The following LRP1B variants were observed in gnomAD, a reference collection of about 807,000 sequenced individuals.
LRP1B encodes low-density lipoprotein receptor-related protein 1B.
A neutral mutation model predicts 556.6 loss-of-function variants in LRP1B; 217 were observed. The ratio of observed to expected loss-of-function variants is 0.39; its 90% CI spans 0.35 to 0.44. The LOEUF (loss-of-function observed/expected upper bound fraction) is 0.44, where lower values mean the gene tolerates loss of function less well. Ranked by LOEUF, LRP1B falls within the 20% of genes least tolerant of loss-of-function variation. The pLI is 1.00. For missense variants in LRP1B, 5,053 were observed against 5,620.8 expected, an observed-to-expected ratio of 0.90 and a Z score of 3.23; for synonymous variants, 2,047 against 1,865.8, an observed-to-expected ratio of 1.10 and a Z score of -2.50.
At chr2:140,595,248 T>C (rs1010087852) in intron 43 of LRP1B, among the ~76,000 whole-genome samples, 1 of 151,520 alleles carries the variant, frequency 6.6e-6, no homozygotes, top group Non-Finnish European at 1.5e-5. Context: ...TCATTTCATG[T>C]AGTAAGTGGA....
At chr2:140,310,044 G>T (rs1201304477) in intron 83 of LRP1B, among the ~76,000 whole-genome samples, 2 of 151,660 alleles carry the variant, frequency 1.3e-5, no homozygotes, top group Admixed American at 1.3e-4. Context: ...TTGCTGCAAA[G>T]TTTGCATCAT....
rs564883013 is a variant in LRP1B, at chr2:140,880,791, G to A, written c.4169+3026C>T. Among the ~76,000 whole-genome samples, 4 of 152,206 alleles carry A rather than the reference G, an allele frequency of 2.6e-5. No individual in the cohort carries two copies. In the East Asian group the frequency reaches 7.7e-4, roughly 29 times the overall value. On this transcript the variant is annotated intron_variant, in intron 25 of 90. Transcript: ENST00000389484. Reference sequence around the variant, plus strand: ...AAAGTTCATAGTTTTCCCATTAGCTGTCTGTCCTTTACTGTATACTTCCCA... The same window carrying A: ...AAAGTTCATAGTTTTCCCATTAGCTATCTGTCCTTTACTGTATACTTCCCA...
intron 27 of LRP1B, among the ~76,000 whole-genome samples, chr2:140,866,290 A>T (rs1042409652): frequency 2.0e-5 from 3 of 152,128 alleles, no homozygotes; most frequent in African/African-American, 7.2e-5. Flanking sequence ...ATTCTAGAGA[A>T]GCGTATTTTT....
chr2:140,759,204 T>C (rs902526382), intron 35 of LRP1B, among the ~76,000 whole-genome samples: 2 of 152,138 alleles, frequency 1.3e-5, no homozygotes, highest in African/African-American at 4.8e-5. Context: ...TAGGTTGTTA[T>C]TGTTGATGCT....
chr2:140,865,565 A>G (rs910340746), intron 27 of LRP1B, among the ~76,000 whole-genome samples: 1 of 151,974 alleles, frequency 6.6e-6, no homozygotes, highest in African/African-American at 2.4e-5. Context: ...GATAAACAGG[A>G]CAGATAATGA....
At chr2:140,668,104 A>C (rs1685343527) in intron 41 of LRP1B, among the ~76,000 whole-genome samples, 1 of 152,006 alleles carries the variant, frequency 6.6e-6, no homozygotes, top group Non-Finnish European at 1.5e-5. Context: ...CGACGTCAGG[A>C]GATCGAGACC....
intron 4 of LRP1B, among the ~76,000 whole-genome samples, chr2:141,250,968 G>A (rs553253106): frequency 1.6e-4 from 25 of 152,130 alleles, no homozygotes; most frequent in Non-Finnish European, 3.4e-4. Flanking sequence ...TTATTTGTGT[G>A]TTGTGATATA....
intron 32 of LRP1B, among the ~76,000 whole-genome samples, chr2:140,785,048 A>G (rs758859545): frequency 1.3e-5 from 2 of 152,164 alleles, no homozygotes; most frequent in African/African-American, 2.4e-5. Flanking sequence ...GAAAAAAAAG[A>G]TTCTACAAGT....
intron 41 of LRP1B, among the ~76,000 whole-genome samples, chr2:140,699,090 G>C (rs1443003567): frequency 6.6e-6 from 1 of 152,014 alleles, no homozygotes; most frequent in Admixed American, 6.6e-5. Context: ...TTACCTTGAA[G>C]TGACACACTC....
At chr2:141,314,795 G>GAAAA (rs1203210369) in intron 3 of LRP1B, among the ~76,000 whole-genome samples, 1 of 52,254 alleles carries the variant, frequency 1.9e-5, no homozygotes, top group African/African-American at 6.0e-5. Flanking sequence ...CGTCTCAAAA[G>GAAAA]AAAAAAAAAA....
At chr2:141,170,339 C>A (rs925816203) in intron 7 of LRP1B, among the ~76,000 whole-genome samples, 4 of 152,056 alleles carry the variant, frequency 2.6e-5, no homozygotes, top group African/African-American at 4.8e-5. Flanking sequence ...AGGTCTCACA[C>A]GGAACTTTAG....
At chr2:140,611,512 A>G (rs922582573) in intron 41 of LRP1B, among the ~76,000 whole-genome samples, 4 of 152,154 alleles carry the variant, frequency 2.6e-5, no homozygotes, top group Non-Finnish European at 4.4e-5. Flanking sequence ...AAGTAAGAAA[A>G]CAGAAAAAGG....
chr2:142,098,506 G>A (rs1374063002), intron 1 of LRP1B, among the ~76,000 whole-genome samples: 2 of 151,608 alleles, frequency 1.3e-5, no homozygotes, highest in Admixed American at 1.3e-4. Context: ...TCGAATTAGA[G>A]AACATGTTTT....
intron 3 of LRP1B, among the ~76,000 whole-genome samples, chr2:141,323,645 A>G (rs1454538760): frequency 6.6e-6 from 1 of 152,038 alleles, no homozygotes; most frequent in Non-Finnish European, 1.5e-5. Flanking sequence ...TCATTTATGT[A>G]GACTCAAGAG....
intron 1 of LRP1B, among the ~76,000 whole-genome samples, chr2:141,846,482 G>A (rs1056406703): frequency 6.6e-6 from 1 of 151,304 alleles, no homozygotes; most frequent in Non-Finnish European, 1.5e-5. Context: ...TAAATAAATT[G>A]TTCTAAAAAA....
chr2:141,569,142 C>T (rs1055796431), intron 2 of LRP1B, among the ~76,000 whole-genome samples: 7 of 151,006 alleles, frequency 4.6e-5, no homozygotes, highest in African/African-American at 1.7e-4. Flanking sequence ...AAATCAGATA[C>T]AGATTCTAAC....
intron 21 of LRP1B, among the ~76,000 whole-genome samples, chr2:140,919,316 G>A (rs1694670801): frequency 6.6e-6 from 1 of 151,786 alleles, no homozygotes; most frequent in South Asian, 2.1e-4. Flanking sequence ...TATTTTTTGT[G>A]TGAGATTCTA....
At chr2:140,768,210 C>T (rs1689183071) in intron 35 of LRP1B, among the ~76,000 whole-genome samples, 1 of 151,628 alleles carries the variant, frequency 6.6e-6, no homozygotes, top group Non-Finnish European at 1.5e-5. Context: ...TGTGAAGATC[C>T]CCAGTAATTC....
chr2:140,685,494 G>A (rs1045019809), intron 41 of LRP1B, among the ~76,000 whole-genome samples: 1 of 152,136 alleles, frequency 6.6e-6, no homozygotes, highest in Non-Finnish European at 1.5e-5. Context: ...TGTAACTGGT[G>A]AACAGGAGAA....
Sources: allele counts gnomAD v4.1 joint callset (sites outside exome capture counted in the v4.1 genomes callset), GRCh38; gene constraint gnomAD v4.1.1; transcripts MANE v1.5; gene names NCBI Gene and HGNC (gene_info 2026-07-23, HGNC 2026-07-21).